The following SCARB2 variants were observed in gnomAD, a reference collection of about 807,000 sequenced individuals.
SCARB2 encodes scavenger receptor class B member 2.
SCARB2 carries 29 observed loss-of-function variants against 58.6 expected under a neutral mutation model. The ratio of observed to expected loss-of-function variants is 0.49; its 90% CI spans 0.37 to 0.67. The LOEUF (loss-of-function observed/expected upper bound fraction) is 0.67, where lower values mean the gene tolerates loss of function less well. Ranked by LOEUF, SCARB2 falls within the 30% of genes least tolerant of loss-of-function variation. The pLI is 0.00. For missense variants in SCARB2, 488 were observed against 578.5 expected (o/e 0.84, Z 1.60); for synonymous variants, 195 against 210.1 (o/e 0.93, Z 0.62).
At chr4:76,184,808 T>A (rs1042621199) in intron 2 of SCARB2, 10 of 362,688 alleles carry the variant, frequency 2.8e-5, no homozygotes, top group African/African-American at 2.1e-4. Context: ...AATTTTAATT[T>A]AAAAACAAGA....
chr4:76,163,156 G>T, intron 11 of SCARB2, 69 bp downstream of exon 11: 1 of 1,588,980 alleles, frequency 6.3e-7, no homozygotes, highest in Non-Finnish European at 8.6e-7. Context: ...CAGCCCTTCA[G>T]TGAAGTACAG....
Position 76,175,852 on chromosome 4 carries a change from A to G in SCARB2, c.763T>C (p.Ser255Pro). 1 of 1,614,064 alleles carries G rather than the reference A, an allele frequency of 6.2e-7. No individual in the cohort carries two copies. The highest frequency in any genetic ancestry group is 8.5e-7 in the Non-Finnish European group (1 of 1,180,010). Reference sequence around the variant, plus strand: ...TCTTTGGTTATTAGTGGGTGAAAAGAATCTCCATCTGTTCCATTAATCATA... The same window carrying G: ...TCTTTGGTTATTAGTGGGTGAAAAGGATCTCCATCTGTTCCATTAATCATA... ...CNMINGTDGD[S>P]FHPLITKDEV... Residue 255 changes from serine (S) to proline (P), a missense_variant, in exon 6 of 12, where the codon TCT becomes CCT. Coordinates refer to ENST00000264896, the MANE Select transcript of SCARB2 (RefSeq NM_005506.4).
intron 11 of SCARB2, chr4:76,162,976 A>T: frequency 1.6e-6 from 1 of 606,724 alleles, no homozygotes; most frequent in South Asian, 2.0e-5. Flanking sequence ...GTTAACTCCC[A>T]GGGGATACAT....
In SCARB2 at chr4:76,168,410, C is replaced by T. The variant is rs1193040040; in HGVS notation, c.1180G>A (p.Asp394Asn). ...GAAAGAAGCAAAACTTACACAAAGT[C>T]ATCTAATTTTTTGACATAAATGTTG... Reference protein sequence around the residue: ...QINIYVKKLDDFVETGDIRTM... With the variant: ...QINIYVKKLDNFVETGDIRTM... The change falls in exon 9 of 12, where the codon GAC (aspartate) becomes AAC (asparagine). Residue 394 changes from aspartate (D) to asparagine (N), a missense_variant. Transcript: ENST00000264896. 6.2e-7 allele frequency: 1 copy of T among 1,613,894 alleles called. No individual in the cohort carries two copies. The highest frequency in any genetic ancestry group is 1.3e-5 in the African/African-American group (1 of 75,048).
chr4:76,170,076 TAAAGAA>T (rs1732098703), intron 7 of SCARB2, 91 bp from the exon 8 acceptor site: 1 of 1,148,626 alleles, frequency 8.7e-7, no homozygotes. Context: ...GCCTGGTTCC[TAAAGAA>T]AAACAAAAAA....
At chr4:76,221,377 G>T (rs183152694) in intron 1 of SCARB2, among the ~76,000 whole-genome samples, 1 of 152,292 alleles carries the variant, frequency 6.6e-6, no homozygotes, top group Non-Finnish European at 1.5e-5. Flanking sequence ...GGAGTGCAGT[G>T]GTGCAATCTC....
At chr4:76,203,555 C>T (rs1056501768) in intron 1 of SCARB2, among the ~76,000 whole-genome samples, 1 of 152,238 alleles carries the variant, frequency 6.6e-6, no homozygotes, top group Non-Finnish European at 1.5e-5. Flanking sequence ...TGAAGTGAGA[C>T]TGTTTTAAAA....
intron 1 of SCARB2, among the ~76,000 whole-genome samples, chr4:76,223,865 G>A (rs1402815428): frequency 6.6e-6 from 1 of 152,108 alleles, no homozygotes; most frequent in Non-Finnish European, 1.5e-5. Flanking sequence ...GAGTCTCCCT[G>A]GACTATTGAA....
At chr4:76,204,285 C>A (rs1732886726) in intron 1 of SCARB2, among the ~76,000 whole-genome samples, 1 of 152,182 alleles carries the variant, frequency 6.6e-6, no homozygotes. Context: ...TACTCTTATT[C>A]CCTGACCTTA....
At chr4:76,164,250 A>G (rs6532230) in intron 10 of SCARB2, 101,989 of 152,256 alleles carry the variant, frequency 0.67, 36,732 homozygotes, top group East Asian at 0.98. Flanking sequence ...GCACACGCCT[A>G]TAATCCCAGC....
intron 8 of SCARB2, 94 bp from the exon 9 acceptor site, chr4:76,168,570 A>G: frequency 9.9e-7 from 1 of 1,010,366 alleles, no homozygotes; most frequent in Non-Finnish European, 1.5e-6. Context: ...GTCCTCATAA[A>G]CAAGGTGACC....
chr4:76,198,847 T>A (rs1024679082), intron 1 of SCARB2, among the ~76,000 whole-genome samples: 5 of 147,420 alleles, frequency 3.4e-5, no homozygotes, highest in South Asian at 4.6e-4. Flanking sequence ...AGTGAGTGTG[T>A]GTGTGTGTGT....
At chr4:76,179,763 T>C in intron 3 of SCARB2, 58 bp from the exon 4 acceptor site, 1 of 1,255,300 alleles carries the variant, frequency 8.0e-7, no homozygotes, top group Middle Eastern at 2.1e-4. Context: ...CTCCATCCAC[T>C]CTCTCCTACT....
At chr4:76,182,252 T>A (rs1025264409) in intron 2 of SCARB2, among the ~76,000 whole-genome samples, 5 of 152,208 alleles carry the variant, frequency 3.3e-5, no homozygotes, top group Non-Finnish European at 5.9e-5. Context: ...TCTGACATGG[T>A]AGCCACTAGT....
At chr4:76,216,003 A>G (rs1053194467), upstream of SCARB2, among the ~76,000 whole-genome samples, 6 of 152,112 alleles carry the variant, frequency 3.9e-5, no homozygotes, top group Non-Finnish European at 7.4e-5. Context: ...GTAGCTACCA[A>G]AGCTCTTCAA....
chr4:76,200,174 C>G (rs1054316715), intron 1 of SCARB2, among the ~76,000 whole-genome samples: 6 of 152,286 alleles, frequency 3.9e-5, no homozygotes, highest in East Asian at 1.9e-4. Context: ...TCTTCCTCAC[C>G]GAGGGTTCTG....
upstream of SCARB2, among the ~76,000 whole-genome samples, chr4:76,218,269 A>G (rs1465326038): frequency 6.6e-6 from 1 of 152,162 alleles, no homozygotes; most frequent in East Asian, 1.9e-4. Context: ...TTATTCCTAA[A>G]TGTTTGTGGG....
chr4:76,229,297 C>T (rs181793212), intron 1 of SCARB2, among the ~76,000 whole-genome samples: 3 of 152,218 alleles, frequency 2.0e-5, no homozygotes, highest in Admixed American at 2.0e-4. Flanking sequence ...TCTGGTATCT[C>T]CTTGAGTAGC....
chr4:76,161,623 A>G lies in SCARB2; in HGVS notation c.*90T>C. 7.3e-7 allele frequency: 1 copy of G among 1,378,252 alleles called. No homozygotes were observed. Among genetic ancestry groups the G allele is most frequent in the Non-Finnish European group, 1.0e-6 (1 of 965,264 alleles). 85.4% of individuals were successfully genotyped at this position (1,378,252 alleles called of 1,614,324 possible). A position where few individuals can be genotyped will look rare whatever the true frequency, so the allele number is the denominator to read the frequency against. On this transcript the variant is annotated 3_prime_UTR_variant, in exon 12 of 12. Coordinates refer to ENST00000264896, the MANE Select transcript of SCARB2 (RefSeq NM_005506.4). ...TGTCTTTTTCCTTCTTTCAACAGGC[A>G]ACAAGCCTGCAAGGAGGTGGAGGGT... is the stretch of plus-strand genomic sequence containing the variant.
Sources: allele counts gnomAD v4.1 joint callset (sites outside exome capture counted in the v4.1 genomes callset), GRCh38; gene constraint gnomAD v4.1.1; transcripts MANE v1.5; gene names NCBI Gene and HGNC (gene_info 2026-07-23, HGNC 2026-07-21).